CYTH4: variants seen among roughly 807,000 people sequenced by gnomAD.
The protein encoded by CYTH4 is cytohesin-4.
CYTH4 carries 22 observed loss-of-function variants against 57.5 expected under a neutral mutation model. That is an observed-to-expected ratio of 0.38 (90% CI 0.27 to 0.55). CYTH4 has a LOEUF of 0.55. CYTH4 is among the 20% of genes least tolerant of loss of function. CYTH4 has a pLI of 0.74. For missense variants in CYTH4, 420 were observed against 535.6 expected (o/e 0.78, Z 2.13); for synonymous variants, 186 against 206.5 (o/e 0.90, Z 0.85).
rs5756600 is a variant in CYTH4 at position 37,295,391 on chromosome 22, C to T, written c.168-608C>T. Among the ~76,000 whole-genome samples, 4 of 149,818 alleles carry T rather than the reference C, an allele frequency of 2.7e-5. No homozygotes were observed. Among genetic ancestry groups the T allele is most frequent in the African/African-American group, 1.0e-4 (4 of 39,560 alleles). On this transcript the variant is annotated intron_variant, in intron 3 of 12. Coordinates refer to ENST00000248901, the MANE Select transcript of CYTH4 (RefSeq NM_013385.5). The surrounding 1 kb of genome is among the most constrained non-coding windows in gnomAD (Gnocchi z 4.1). Reference sequence around the variant, plus strand: ...CACCACACACATGCACACACACACACGCATGCACACACACACAAGCATGCA... The same window carrying T: ...CACCACACACATGCACACACACACATGCATGCACACACACACAAGCATGCA...
chr22:37,292,877 C>T lies in CYTH4; in HGVS notation c.102+174C>T, dbSNP rs1242890515. Among the ~76,000 whole-genome samples, 7 of 152,248 alleles carry T rather than the reference C, an allele frequency of 4.6e-5. No homozygotes were observed. The East Asian group carries it at 1.2e-3, about 25-fold the overall frequency. ...GAGAACAACAAGACTGCAGACACCCCGAGACCCAGGGAGAACTGGGAGAGC... is the reference window on the plus strand; with the variant it reads ...GAGAACAACAAGACTGCAGACACCCTGAGACCCAGGGAGAACTGGGAGAGC... On this transcript the variant is annotated intron_variant, in intron 2 of 12. Coordinates refer to ENST00000248901, the MANE Select transcript of CYTH4 (RefSeq NM_013385.5).
intron 7 of CYTH4, among the ~76,000 whole-genome samples, chr22:37,302,428 G>A (rs991620240): frequency 1.3e-5 from 2 of 152,210 alleles, no homozygotes; most frequent in Non-Finnish European, 2.9e-5. Flanking sequence ...TGTAAAATGG[G>A]AGTGATAACA....
At position 37,298,476 on chromosome 22, in the gene CYTH4, GAGA is replaced by G. The variant is rs1395486350; in HGVS notation, c.354-747_354-745del. On this transcript the variant is annotated intron_variant, in intron 5 of 12. Transcript: ENST00000248901. This position sits in a 1 kb window ranked among gnomAD's most constrained non-coding sequence, Gnocchi z 4.1. ...TAGCGTGGACAGGAAGGGTCTCATG[GAGA>G]AGGTGACATTTGACCAAAACGTAAA... 1 of 154,674 alleles carries G rather than the reference GAGA, an allele frequency of 6.5e-6. No homozygotes were observed. The highest frequency in any genetic ancestry group is 2.4e-5 in the African/African-American group (1 of 41,482). 9.6% of individuals were successfully genotyped at this position (154,674 alleles called of 1,614,324 possible).
At chr22:37,291,400 G>T (rs187101227) in intron 1 of CYTH4, among the ~76,000 whole-genome samples, 1 of 152,236 alleles carries the variant, frequency 6.6e-6, no homozygotes, top group East Asian at 1.9e-4. Context: ...TTCCCTCTGT[G>T]TTCTTTTGGA....
At chr22:37,294,163 C>T (rs898628346) in intron 2 of CYTH4, among the ~76,000 whole-genome samples, 10 of 128,116 alleles carry the variant, frequency 7.8e-5, no homozygotes, top group African/African-American at 2.0e-4. Flanking sequence ...AGGGTGGAGG[C>T]GGGCAGGGTG....
At chr22:37,309,506 T>C (rs1929558432) in intron 9 of CYTH4, among the ~76,000 whole-genome samples, 183 bp downstream of exon 9, 1 of 151,930 alleles carries the variant, frequency 6.6e-6, no homozygotes, top group South Asian at 2.1e-4. Flanking sequence ...GCCTGCCCCA[T>C]CCATCCACCT....
chr22:37,293,338 T>G (rs1928818532), intron 2 of CYTH4, among the ~76,000 whole-genome samples: 1 of 152,186 alleles, frequency 6.6e-6, no homozygotes, highest in Non-Finnish European at 1.5e-5. Flanking sequence ...ATGCCAGGAT[T>G]TCTCTACCTT....
rs561625711 is a variant in CYTH4, at chr22:37,300,773, G to A, written c.435-134G>A. Reference sequence around the variant, plus strand: ...TCCCTGGTGCCCATCCCACTTCCCCGTCAGCCCAGATGACAGTTGCAGATT... The same window carrying A: ...TCCCTGGTGCCCATCCCACTTCCCCATCAGCCCAGATGACAGTTGCAGATT... On this transcript the variant is annotated intron_variant, in intron 6 of 12. Transcript: ENST00000248901. 178 of 711,644 alleles carry A rather than the reference G, an allele frequency of 2.5e-4. 1 individual carries two copies. The highest frequency in any genetic ancestry group is 1.4e-3 in the South Asian group (79 of 56,282). 44.1% of individuals were successfully genotyped at this position (711,644 alleles called of 1,614,324 possible).
chr22:37,296,134 C>G (rs1018184491), intron 4 of CYTH4, 69 bp downstream of exon 4: 4 of 1,472,896 alleles, frequency 2.7e-6, no homozygotes, highest in African/African-American at 1.4e-5. Flanking sequence ...CTGGTGTCCT[C>G]TCGCTCCCCT....
In CYTH4 at chr22:37,309,473, C is replaced by G. The variant is rs899144986; in HGVS notation, c.808+150C>G. On this transcript the variant is annotated intron_variant, in intron 9 of 12. Coordinates refer to ENST00000248901, the MANE Select transcript of CYTH4 (RefSeq NM_013385.5). ...GATGGAGTTGGACAGCCCCAGGTCT[C>G]CTGGCCCCCAGTGCAGCCGTCTGCC... The G allele has an allele frequency of 8.7e-6, 6 of 692,172 alleles. No homozygotes were observed. In the Admixed American group the frequency reaches 1.5e-4, roughly 17 times the overall value. The allele number at this position is 692,172 out of a possible 1,614,324, so 42.9% of individuals were successfully genotyped here.
At chr22:37,299,987 T>A (rs77772834) in intron 6 of CYTH4, 1 of 707,592 alleles carries the variant, frequency 1.4e-6, no homozygotes, top group Non-Finnish European at 2.6e-6. Context: ...TGAGGCTCTG[T>A]CTCACAAAAA....
intron 6 of CYTH4, among the ~76,000 whole-genome samples, chr22:37,299,520 G>A (rs1929106393): frequency 6.6e-6 from 1 of 152,182 alleles, no homozygotes; most frequent in Non-Finnish European, 1.5e-5. Flanking sequence ...AGCAAATACT[G>A]CCTTCTTAGT....
rs1320642923 is a variant in CYTH4, at chr22:37,311,976, C to T, written c.958-44C>T. 2.5e-6 allele frequency: 4 copies of T among 1,596,604 alleles called. No homozygotes were observed. The highest frequency in any genetic ancestry group is 2.0e-4 in the Middle Eastern group (1 of 5,090). ...CTCTGAGCCTCCTGGAGGGCCCACCCAGCCTCCCTCTCTTCCCACCCTTGC... is the reference window on the plus strand; with the variant it reads ...CTCTGAGCCTCCTGGAGGGCCCACCTAGCCTCCCTCTCTTCCCACCCTTGC... On this transcript the variant is annotated intron_variant, in intron 11 of 12. Coordinates refer to ENST00000248901, the MANE Select transcript of CYTH4 (RefSeq NM_013385.5). The surrounding 1 kb of genome is among the most constrained non-coding windows in gnomAD (Gnocchi z 4.4).
chr22:37,296,079 G>T lies in CYTH4; in HGVS notation c.234+14G>T. 2 of 1,610,552 alleles carry T rather than the reference G, an allele frequency of 1.2e-6. No homozygotes were observed. Among genetic ancestry groups the T allele is most frequent in the Non-Finnish European group, 1.7e-6 (2 of 1,178,202 alleles). On this transcript the variant is annotated intron_variant, in intron 4 of 12. Coordinates refer to ENST00000248901, the MANE Select transcript of CYTH4 (RefSeq NM_013385.5). ...GACCCCGCCAAGGTAGGTGGCTGTG[G>T]AGGGCCCGGGCCACAGGGTGTGGGG...
chr22:37,283,666 A>T (rs5750405), intron 1 of CYTH4, among the ~76,000 whole-genome samples: 54,738 of 151,598 alleles, frequency 0.36, 10,028 homozygotes, highest in Non-Finnish European at 0.39. Context: ...AGGCCAAGGG[A>T]GGAAAACAGC....
chr22:37,313,335 C>T, intron 12 of CYTH4, 104 bp from the exon 13 acceptor site: 1 of 1,189,076 alleles, frequency 8.4e-7, no homozygotes, highest in Non-Finnish European at 1.2e-6. Flanking sequence ...GCAGAGCAGG[C>T]TGACACCTCC....
rs35924894 is a variant in CYTH4 at position 37,308,782 on chromosome 22, GTA to G, written c.697-428_697-427del. Among the ~76,000 whole-genome samples the G allele has an allele frequency of 2.0e-3, 310 of 152,048 alleles. 1 individual carries two copies. Among genetic ancestry groups the G allele is most frequent in the African/African-American group, 7.1e-3 (296 of 41,444 alleles). On this transcript the variant is annotated intron_variant, in intron 8 of 12. Transcript: ENST00000248901. The stretch of plus-strand genomic sequence containing the variant: ...TATGTGTGAGCGTGCCTGCATGTGT[GTA>G]TGTGTGTGAACATGCATGTGTGTGC...
intron 8 of CYTH4, among the ~76,000 whole-genome samples, chr22:37,304,635 C>G (rs1929331214): frequency 6.6e-6 from 1 of 152,114 alleles, no homozygotes; most frequent in African/African-American, 2.4e-5. Flanking sequence ...ATTCTGGTGC[C>G]CCTCGGTGTT....
At position 37,299,505 on chromosome 22, in the gene CYTH4, C is replaced by T. The variant is rs574285667; in HGVS notation, c.434+199C>T. On this transcript the variant is annotated intron_variant, in intron 6 of 12. Coordinates refer to ENST00000248901, the MANE Select transcript of CYTH4 (RefSeq NM_013385.5). ...GCCTGGGAAAGGGCCTAGTTCCTTG[C>T]AAATAGCAAATACTGCCTTCTTAGT... is the stretch of plus-strand genomic sequence containing the variant. Among the ~76,000 whole-genome samples, 15 of 152,220 alleles carry T rather than the reference C, an allele frequency of 9.9e-5. 1 individual carries two copies. The highest frequency in any genetic ancestry group is 6.3e-3 in the Middle Eastern group (2 of 316).
Sources: allele counts gnomAD v4.1 joint callset (sites outside exome capture counted in the v4.1 genomes callset), GRCh38; gene constraint gnomAD v4.1.1; non-coding constraint Gnocchi (gnomAD v3.1); transcripts MANE v1.5; gene names NCBI Gene and HGNC (gene_info 2026-07-23, HGNC 2026-07-21).